Variants in PAIP1 observed in about 807,000 individuals in gnomAD.
PAIP1 encodes the protein polyadenylate-binding protein-interacting protein 1.
PAIP1 carries 16 observed loss-of-function variants against 61.3 expected under a neutral mutation model. The ratio of observed to expected loss-of-function variants is 0.26; its 90% CI spans 0.18 to 0.40. The LOEUF (loss-of-function observed/expected upper bound fraction) is 0.40. Among genes scored for constraint, PAIP1 ranks in the 10% least tolerant of loss-of-function variants. PAIP1 has a pLI of 1.00. For missense variants in PAIP1, 416 were observed against 600.9 expected, an observed-to-expected ratio of 0.69 and a Z score of 3.22; for synonymous variants, 187 against 226.2, an observed-to-expected ratio of 0.83 and a Z score of 1.56.
chr5:43,533,885 C>A, intron 8 of PAIP1, 93 bp from the exon 9 acceptor site: 2 of 791,260 alleles, frequency 2.5e-6, no homozygotes, highest in South Asian at 1.4e-5. Context: ...CACCCGTCTG[C>A]ACCTAATAAT....
At position 43,556,596 on chromosome 5, in the gene PAIP1, G is replaced by C. The variant is rs1561241070; in HGVS notation, c.251C>G (p.Pro84Arg). 3 of 1,254,236 alleles carry C rather than the reference G, an allele frequency of 2.4e-6. No homozygotes were observed. Among genetic ancestry groups the C allele is most frequent in the Non-Finnish European group, 2.0e-6 (2 of 995,506 alleles). 77.7% of individuals were successfully genotyped at this position (1,254,236 alleles called of 1,614,324 possible). The change falls in exon 1 of 11, where the codon CCC (proline) becomes CGC (arginine). Residue 84 changes from proline to arginine, a missense_variant. Physicochemically the swap from Pro to Arg is moderately radical, Grantham distance 103. Coordinates refer to ENST00000306846, the MANE Select transcript of PAIP1 (RefSeq NM_006451.5). ...VPASPQRPSRPGALPEQTRPL... is the reference protein window; with the variant it reads ...VPASPQRPSRRGALPEQTRPL... ...CTGCTCCGTACCTGGGAGCGCCCCGGGCCGGGAAGGCCGCTGGGGGCTGGC... is the reference window on the plus strand; with the variant it reads ...CTGCTCCGTACCTGGGAGCGCCCCGCGCCGGGAAGGCCGCTGGGGGCTGGC...
At position 43,556,015 on chromosome 5, in the gene PAIP1, A is replaced by G; in HGVS notation, c.266-16T>C. 6.2e-7 allele frequency: 1 copy of G among 1,603,848 alleles called. No homozygotes were observed. The highest frequency in any genetic ancestry group is 1.1e-5 in the South Asian group (1 of 88,980). On this transcript the variant is annotated splice_polypyrimidine_tract_variant and intron_variant, in intron 1 of 10. Coordinates refer to ENST00000306846, the MANE Select transcript of PAIP1 (RefSeq NM_006451.5). The stretch of plus-strand genomic sequence containing the variant: ...CTCGTTTGCTCTGCAAAAGAAAAAA[A>G]AACGGGGCGTCAGATGCATTCTTTC...
intron 3 of PAIP1, among the ~76,000 whole-genome samples, chr5:43,543,812 GT>G (rs1747520720): frequency 6.6e-6 from 1 of 151,986 alleles, no homozygotes; most frequent in Admixed American, 6.5e-5. Context: ...AGAGAACATA[GT>G]TTACCATCTA....
At chr5:43,542,638 CA>C (rs1747460597) in intron 4 of PAIP1, among the ~76,000 whole-genome samples, 1 of 151,612 alleles carries the variant, frequency 6.6e-6, no homozygotes, top group Admixed American at 6.6e-5. Context: ...AATCAAAACC[CA>C]AATAATGCAA....
chr5:43,542,169 C>T (rs1223690787), intron 4 of PAIP1, among the ~76,000 whole-genome samples: 3 of 147,544 alleles, frequency 2.0e-5, no homozygotes, highest in African/African-American at 7.5e-5. Context: ...GAGCAAGACT[C>T]GGTCTCGGAA....
intron 10 of PAIP1, among the ~76,000 whole-genome samples, chr5:43,528,251 C>T (rs1398912458): frequency 3.9e-5 from 6 of 152,024 alleles, no homozygotes; most frequent in African/African-American, 9.7e-5. Flanking sequence ...AAGTGTGTGG[C>T]GGGGCCAGAA....
chr5:43,543,197 G>T, intron 3 of PAIP1, 81 bp from the exon 4 acceptor site: 4 of 584,392 alleles, frequency 6.8e-6, no homozygotes, highest in Non-Finnish European at 9.0e-6. Flanking sequence ...TTCTAAAGAA[G>T]AAAAAATTGA....
At chr5:43,533,367 T>C (rs1747018426) in intron 9 of PAIP1, among the ~76,000 whole-genome samples, 1 of 152,254 alleles carries the variant, frequency 6.6e-6, no homozygotes, top group South Asian at 2.1e-4. Flanking sequence ...TTAACCCATA[T>C]TAATATATGT....
chr5:43,556,936 C>A lies in PAIP1; in HGVS notation c.-90G>T, dbSNP rs1159316260. On this transcript the variant is annotated 5_prime_UTR_variant, in exon 1 of 11. Coordinates refer to ENST00000306846, the MANE Select transcript of PAIP1 (RefSeq NM_006451.5). Reference sequence around the variant, plus strand: ...GGAAGGCGCCGCGGGTCGGCTATAGCCGCCGCGCCTCACTCGGGCCTCATG... The same window carrying A: ...GGAAGGCGCCGCGGGTCGGCTATAGACGCCGCGCCTCACTCGGGCCTCATG... 2 of 1,286,700 alleles carry A rather than the reference C, an allele frequency of 1.6e-6. No individual in the cohort carries two copies. The highest frequency in any genetic ancestry group is 2.0e-6 in the Non-Finnish European group (2 of 1,017,086). 79.7% of individuals were successfully genotyped at this position (1,286,700 alleles called of 1,614,324 possible).
In PAIP1 at chr5:43,556,930, C is replaced by G. The variant is rs1057238694; in HGVS notation, c.-84G>C. The G allele has an allele frequency of 6.3e-5, 82 of 1,292,304 alleles. No homozygotes were observed. Among genetic ancestry groups the G allele is most frequent in the Non-Finnish European group, 8.0e-5 (82 of 1,020,492 alleles). The allele number at this position is 1,292,304 out of a possible 1,614,324, so 80.1% of individuals were successfully genotyped here. A position where few individuals can be genotyped will look rare whatever the true frequency, so the allele number is the denominator to read the frequency against. On this transcript the variant is annotated 5_prime_UTR_variant, in exon 1 of 11. Coordinates refer to ENST00000306846, the MANE Select transcript of PAIP1 (RefSeq NM_006451.5). ...GCGGGGGGAAGGCGCCGCGGGTCGG[C>G]TATAGCCGCCGCGCCTCACTCGGGC...
At position 43,536,802 on chromosome 5, in the gene PAIP1, T is replaced by TAA. The variant is rs35862047; in HGVS notation, c.972+15_972+16dup. On this transcript the variant is annotated intron_variant, in intron 6 of 10. Coordinates refer to ENST00000306846, the MANE Select transcript of PAIP1 (RefSeq NM_006451.5). Reference sequence around the variant, plus strand: ...AAGTAAATACGTAAATTAGTTAAATTAAAAAAAAAAACCTACCTTTAACAA... The same window carrying TAA: ...AAGTAAATACGTAAATTAGTTAAATTAAAAAAAAAAAAACCTACCTTTAACAA... The TAA allele has an allele frequency of 1.1e-3, 1,272 of 1,110,446 alleles. No individual in the cohort carries two copies. Among genetic ancestry groups the TAA allele is most frequent in the Non-Finnish European group, 1.3e-3 (1,061 of 792,840 alleles). The allele number at this position is 1,110,446 out of a possible 1,614,324, so 68.8% of individuals were successfully genotyped here.
Position 43,542,178 on chromosome 5 carries a change from A to G in PAIP1, c.734+826T>C, listed in dbSNP as rs1448605368. On this transcript the variant is annotated intron_variant, in intron 4 of 10. Coordinates refer to ENST00000306846, the MANE Select transcript of PAIP1 (RefSeq NM_006451.5). The stretch of plus-strand genomic sequence containing the variant: ...GTGACAGAGCAAGACTCGGTCTCGG[A>G]AAAAAAAAAAAAAATCCCACAAAAG... 3.5e-4 allele frequency among the ~76,000 whole-genome samples: 49 copies of G among 140,426 alleles called. 1 individual carries two copies. Among genetic ancestry groups the G allele is most frequent in the Admixed American group, 3.3e-3 (46 of 14,102 alleles). 92.1% of individuals were successfully genotyped at this position (140,426 alleles called of 152,430 possible).
chr5:43,545,592 G>A (rs1271431603), intron 3 of PAIP1, among the ~76,000 whole-genome samples: 1 of 152,072 alleles, frequency 6.6e-6, no homozygotes, highest in East Asian at 1.9e-4. Flanking sequence ...CCACTGGCTT[G>A]GAATTCAACG....
rs76690427 is a variant in PAIP1, at chr5:43,555,731, G to A, written c.435+99C>T. 118 of 976,454 alleles carry A rather than the reference G, an allele frequency of 1.2e-4. No individual in the cohort carries two copies. The East Asian group carries it at 2.3e-3, about 19-fold the overall frequency. The allele number at this position is 976,454 out of a possible 1,614,324, so 60.5% of individuals were successfully genotyped here. ...ATTCACAATAAAAAAATTTTTTTACGTGTAGTACAGAAAGCACAAACATAC... is the reference window on the plus strand; with the variant it reads ...ATTCACAATAAAAAAATTTTTTTACATGTAGTACAGAAAGCACAAACATAC... On this transcript the variant is annotated intron_variant, in intron 2 of 10. Transcript: ENST00000306846.
rs2112368459 is a variant in PAIP1 at position 43,527,370 on chromosome 5, T to C, written c.*6A>G. On this transcript the variant is annotated 3_prime_UTR_variant, in exon 11 of 11. Transcript: ENST00000306846. Reference sequence around the variant, plus strand: ...CTTTATAAAACTGATATGCTGAAATTTAACTTTACTGTTTTCGCTTACGCT... The same window carrying C: ...CTTTATAAAACTGATATGCTGAAATCTAACTTTACTGTTTTCGCTTACGCT... 2 of 1,583,088 alleles carry C rather than the reference T, an allele frequency of 1.3e-6. No homozygotes were observed. Among genetic ancestry groups the C allele is most frequent in the East Asian group, 4.5e-5 (2 of 44,014 alleles).
intron 2 of PAIP1, among the ~76,000 whole-genome samples, chr5:43,550,564 G>A (rs1412159617): frequency 1.3e-5 from 2 of 152,052 alleles, no homozygotes; most frequent in Non-Finnish European, 2.9e-5. Flanking sequence ...CACCATAAGG[G>A]CTTTGCCTGC....
chr5:43,541,119 G>A (rs2112398566), intron 4 of PAIP1, among the ~76,000 whole-genome samples: 1 of 146,178 alleles, frequency 6.8e-6, no homozygotes, highest in East Asian at 2.0e-4. Context: ...GCTATTCCAA[G>A]TATTTTCATT....
chr5:43,531,458 A>T (rs1483797127), intron 9 of PAIP1, among the ~76,000 whole-genome samples: 1 of 144,948 alleles, frequency 6.9e-6, no homozygotes, highest in Non-Finnish European at 1.5e-5. Context: ...GACCAGCCTG[A>T]CCAACATGGT....
rs1450801301 is a variant in PAIP1 at position 43,526,712 on chromosome 5, A to G, written c.*664T>C. 5 of 148,414 alleles carry G rather than the reference A, an allele frequency of 3.4e-5. No homozygotes were observed. The highest frequency in any genetic ancestry group is 1.2e-4 in the African/African-American group (5 of 40,272). The allele number at this position is 148,414 out of a possible 1,614,324, so 9.2% of individuals were successfully genotyped here. A position where few individuals can be genotyped will look rare whatever the true frequency, so the allele number is the denominator to read the frequency against. On this transcript the variant is annotated 3_prime_UTR_variant, in exon 11 of 11. Transcript: ENST00000306846. ...AGCCTTTAAGGTAATGAAGTTAGTC[A>G]GTTGAAAAAATAAAAATAAAAAAGA...
Sources: allele counts gnomAD v4.1 joint callset (sites outside exome capture counted in the v4.1 genomes callset), GRCh38; gene constraint gnomAD v4.1.1; transcripts MANE v1.5; gene names NCBI Gene and HGNC (gene_info 2026-07-23, HGNC 2026-07-21).